The following ADCK2 variants were observed in gnomAD, a reference collection of about 807,000 sequenced individuals.
ADCK2 encodes the protein uncharacterized aarF domain-containing protein kinase 2.
In ADCK2, 37 loss-of-function variants were observed where a neutral mutation model predicts 52.3. The observed-to-expected ratio is 0.71, with a 90% CI of 0.54 to 0.93. ADCK2 has a LOEUF of 0.93. Among genes scored for constraint, ADCK2 ranks in the 40% least tolerant of loss-of-function variants. ADCK2 has a pLI of 0.00. For missense variants in ADCK2, 695 were observed against 798.7 expected (o/e 0.87, Z 1.56); for synonymous variants, 321 against 349.2 (o/e 0.92, Z 0.90).
Position 140,673,955 on chromosome 7 carries a change from G to A in ADCK2, c.625G>A (p.Gly209Ser). 6.2e-7 allele frequency: 1 copy of A among 1,614,066 alleles called. No homozygotes were observed. Among genetic ancestry groups the A allele is most frequent in the Non-Finnish European group, 8.5e-7 (1 of 1,180,046 alleles). ...SFENREPVGS[G>S]CVAQVYKAYA... ...TGAGAACCGGGAACCTGTGGGCTCA[G>A]GCTGCGTGGCCCAGGTGTACAAAGC... Residue 209 changes from glycine (G) to serine (S), a missense_variant, in exon 1 of 8, where the codon GGC (glycine) becomes AGC (serine). By Grantham distance (56) the Gly-to-Ser change is moderately conservative. Coordinates refer to ENST00000072869, the MANE Select transcript of ADCK2 (RefSeq NM_052853.4). This position sits in a 1 kb window ranked among gnomAD's most constrained non-coding sequence, Gnocchi z 6.4.
chr7:140,692,143 T>C (rs1208683411), intron 7 of ADCK2, among the ~76,000 whole-genome samples: 1 of 152,320 alleles, frequency 6.6e-6, no homozygotes, highest in South Asian at 2.1e-4. Flanking sequence ...TCTCTAGGTC[T>C]TTCTCATTTG....
Position 140,673,225 on chromosome 7 carries a change from G to A in ADCK2, c.-106G>A. 9.7e-7 allele frequency: 1 copy of A among 1,027,432 alleles called. No homozygotes were observed. The highest frequency in any genetic ancestry group is 1.3e-6 in the Non-Finnish European group (1 of 765,510). 63.6% of individuals were successfully genotyped at this position (1,027,432 alleles called of 1,614,324 possible). A position where few individuals can be genotyped will look rare whatever the true frequency, so the allele number is the denominator to read the frequency against. ...GGCGCGGATCCGGCCCAGATGGGCA[G>A]CTCCGTCCGCGGGGTCAGGGCCGGG... is the stretch of plus-strand genomic sequence containing the variant. On this transcript the variant is annotated 5_prime_UTR_variant, in exon 1 of 8. Coordinates refer to ENST00000072869, the MANE Select transcript of ADCK2 (RefSeq NM_052853.4). This position sits in a 1 kb window ranked among gnomAD's most constrained non-coding sequence, Gnocchi z 6.4.
Position 140,673,474 on chromosome 7 carries a change from C to G in ADCK2, c.144C>G (p.Pro48=). The change falls in exon 1 of 8, where the codon CCC becomes CCG. Residue 48 remains proline, a synonymous_variant. Transcript: ENST00000072869. The surrounding 1 kb of genome is among the most constrained non-coding windows in gnomAD (Gnocchi z 6.4). The part of the protein sequence containing the change: ...RLCWLLLGTL[P]KVVSLCGDVG... ...GCTGGCTTCTGCTGGGCACTTTGCCCAAGGTCGTCTCCCTGTGCGGGGACG... is the reference window on the plus strand; with the variant it reads ...GCTGGCTTCTGCTGGGCACTTTGCCGAAGGTCGTCTCCCTGTGCGGGGACG... The G allele has an allele frequency of 1.2e-6, 2 of 1,608,802 alleles. No homozygotes were observed. Among genetic ancestry groups the G allele is most frequent in the Non-Finnish European group, 1.7e-6 (2 of 1,178,430 alleles).
At chr7:140,677,821 G>C (rs187123172) in intron 2 of ADCK2, among the ~76,000 whole-genome samples, 278 of 152,288 alleles carry the variant, frequency 1.8e-3, no homozygotes, top group Non-Finnish European at 3.1e-3. Flanking sequence ...GGTGACTGGT[G>C]TTTGCAGTTG....
Position 140,674,325 on chromosome 7 carries a change from C to T in ADCK2, c.933+62C>T, listed in dbSNP as rs2130778225. ...TGAGCTATCCCAGATCAGAAACAAC[C>T]GCCATGCAAATCGCCCCCACGTTTA... On this transcript the variant is annotated intron_variant, in intron 1 of 7. Coordinates refer to ENST00000072869, the MANE Select transcript of ADCK2 (RefSeq NM_052853.4). The surrounding 1 kb of genome is among the most constrained non-coding windows in gnomAD (Gnocchi z 4.6). 5 of 1,490,046 alleles carry T rather than the reference C, an allele frequency of 3.4e-6. No individual in the cohort carries two copies. The highest frequency in any genetic ancestry group is 1.4e-5 in the African/African-American group (1 of 70,954). The allele number at this position is 1,490,046 out of a possible 1,614,324, so 92.3% of individuals were successfully genotyped here. A position where few individuals can be genotyped will look rare whatever the true frequency, so the allele number is the denominator to read the frequency against.
At position 140,684,089 on chromosome 7, in the gene ADCK2, A is replaced by G. The variant is rs1794564294; in HGVS notation, c.1306-2901A>G. Among the ~76,000 whole-genome samples, 3 of 152,120 alleles carry G rather than the reference A, an allele frequency of 2.0e-5. No individual in the cohort carries two copies. The South Asian group carries it at 6.2e-4, about 32-fold the overall frequency. On this transcript the variant is annotated intron_variant, in intron 4 of 7. Coordinates refer to ENST00000072869, the MANE Select transcript of ADCK2 (RefSeq NM_052853.4). ...GGATGGTTGTCAGGAGGGGCAAGCC[A>G]TGTTGGTGTTGGAGAGGCAGAGGGG...
intron 7 of ADCK2, 109 bp from the exon 8 acceptor site, chr7:140,694,554 C>A (rs545670099): frequency 2.9e-6 from 3 of 1,037,692 alleles, no homozygotes; most frequent in African/African-American, 3.2e-5. Context: ...GTAAACATCC[C>A]GTGGGCAGGT....
At chr7:140,679,305 G>A in intron 3 of ADCK2, 22 bp downstream of exon 3, 3 of 1,612,542 alleles carry the variant, frequency 1.9e-6, no homozygotes, top group Admixed American at 1.7e-5. Flanking sequence ...GGCTTTGCCT[G>A]GCCATACCTT....
At chr7:140,688,501 A>G (rs1185118459) in intron 5 of ADCK2, among the ~76,000 whole-genome samples, 1 of 152,186 alleles carries the variant, frequency 6.6e-6, no homozygotes, top group East Asian at 1.9e-4. Context: ...GCTGGGTGCA[A>G]ATCAGGCCAG....
chr7:140,688,958 A>T (rs1301958389), intron 5 of ADCK2, among the ~76,000 whole-genome samples: 1 of 152,142 alleles, frequency 6.6e-6, no homozygotes, highest in African/African-American at 2.4e-5. Context: ...GTTTTTTTTA[A>T]AAATTAATTA....
chr7:140,692,686 C>T (rs1794729070), intron 7 of ADCK2, among the ~76,000 whole-genome samples: 1 of 152,218 alleles, frequency 6.6e-6, no homozygotes, highest in Non-Finnish European at 1.5e-5. Flanking sequence ...TGTTGATGTT[C>T]ACGTGGGTTG....
At chr7:140,681,682 A>G (rs1026436781) in intron 4 of ADCK2, among the ~76,000 whole-genome samples, 3 of 150,496 alleles carry the variant, frequency 2.0e-5, no homozygotes, top group Admixed American at 6.6e-5. Context: ...CAGTGGCAAA[A>G]TCTCCATGAA....
At chr7:140,677,203 T>G (rs548238576) in intron 2 of ADCK2, among the ~76,000 whole-genome samples, 27 of 151,462 alleles carry the variant, frequency 1.8e-4, no homozygotes, top group South Asian at 6.3e-4. Context: ...AGGTCAGGAG[T>G]TCAAGACCAG....
rs538112104 is a variant in ADCK2, at chr7:140,673,000, C to G, written c.-331C>G. 6.6e-6 allele frequency among the ~76,000 whole-genome samples: 1 copy of G among 151,156 alleles called. No homozygotes were observed. The highest frequency in any genetic ancestry group is 1.5e-5 in the Non-Finnish European group (1 of 67,628). ...GGCGCACGGTGACCCTGCGGCTGCC[C>G]GGCCCCTGCCTCCGCCCGCGCGGCC... On this transcript the variant is annotated 5_prime_UTR_variant, in exon 1 of 8. Transcript: ENST00000072869.
chr7:140,674,654 T>A lies in ADCK2; in HGVS notation c.977T>A (p.Leu326Gln), dbSNP rs955576974. 1 of 1,614,028 alleles carries A rather than the reference T, an allele frequency of 6.2e-7. No homozygotes were observed. Among genetic ancestry groups the A allele is most frequent in the African/African-American group, 1.3e-5 (1 of 74,934 alleles). The stretch of plus-strand genomic sequence containing the variant: ...CTCGCTCAGGTGCATATGGACCTGC[T>A]GCTGATGAAGATTGGCAGCCGAGTC... Reference protein sequence around the residue: ...GLLAQVHMDLLLMKIGSRVLG... With the variant: ...GLLAQVHMDLQLMKIGSRVLG... The change falls in exon 2 of 8, where the codon CTG becomes CAG. Residue 326 changes from leucine to glutamine, a missense_variant. Transcript: ENST00000072869. The surrounding 1 kb of genome is among the most constrained non-coding windows in gnomAD (Gnocchi z 4.6).
rs761837033 is a variant in ADCK2, at chr7:140,674,645, T to C, written c.968T>C (p.Met323Thr). ...CCTGGCCTGCTCGCTCAGGTGCATA[T>C]GGACCTGCTGCTGATGAAGATTGGC... is the stretch of plus-strand genomic sequence containing the variant. ...LHPGLLAQVH[M>T]DLLLMKIGSR... Residue 323 changes from methionine (M) to threonine (T), a missense_variant, in exon 2 of 8, where the codon ATG becomes ACG. Physicochemically the swap from Met to Thr is moderately conservative, Grantham distance 81. Transcript: ENST00000072869. The surrounding 1 kb of genome is among the most constrained non-coding windows in gnomAD (Gnocchi z 4.6). The C allele has an allele frequency of 1.9e-6, 3 of 1,613,982 alleles. No homozygotes were observed. The highest frequency in any genetic ancestry group is 8.5e-7 in the Non-Finnish European group (1 of 1,180,024).
chr7:140,692,527 T>G (rs537798419), intron 7 of ADCK2, among the ~76,000 whole-genome samples: 7 of 152,282 alleles, frequency 4.6e-5, no homozygotes, highest in African/African-American at 1.7e-4. Context: ...CCAGCTAATT[T>G]TTGTATTTTT....
chr7:140,673,172 A>C lies in ADCK2; in HGVS notation c.-159A>C. Reference sequence around the variant, plus strand: ...GGGCGGGGCGCGGGCCTCCGGCCTGAGGCCCGGCGAGGTGCTGGAGGGAGC... The same window carrying C: ...GGGCGGGGCGCGGGCCTCCGGCCTGCGGCCCGGCGAGGTGCTGGAGGGAGC... On this transcript the variant is annotated 5_prime_UTR_variant, in exon 1 of 8. Transcript: ENST00000072869. This position sits in a 1 kb window ranked among gnomAD's most constrained non-coding sequence, Gnocchi z 6.4. The C allele has an allele frequency of 2.3e-6, 1 of 440,486 alleles. No individual in the cohort carries two copies. The allele number at this position is 440,486 out of a possible 1,614,324, so 27.3% of individuals were successfully genotyped here.
chr7:140,690,877 A>G, intron 7 of ADCK2, 64 bp downstream of exon 7: 1 of 1,469,930 alleles, frequency 6.8e-7, no homozygotes, highest in Non-Finnish European at 9.4e-7. Flanking sequence ...GAATGGGAGG[A>G]CACAGGGTGG....
Sources: allele counts gnomAD v4.1 joint callset (sites outside exome capture counted in the v4.1 genomes callset), GRCh38; gene constraint gnomAD v4.1.1; non-coding constraint Gnocchi (gnomAD v3.1); transcripts MANE v1.5; gene names NCBI Gene and HGNC (gene_info 2026-07-23, HGNC 2026-07-21).